Variants in FMNL2 observed in about 807,000 individuals in gnomAD.
The protein encoded by FMNL2 is formin like 2, also known as formin-like protein 2.
A neutral mutation model predicts 130.2 loss-of-function variants in FMNL2; 51 were observed. That is an observed-to-expected ratio of 0.39 (90% confidence interval 0.31 to 0.49). The LOEUF is 0.49. FMNL2 is among the 20% of genes least tolerant of loss of function. The probability of loss-of-function intolerance (pLI) is 0.85; values close to 1 mark genes in which losing one functional copy is unlikely to be tolerated. For missense variants in FMNL2, 977 were observed against 1,316.2 expected (o/e 0.74, Z 3.99); for synonymous variants, 465 against 467.1 (o/e 1.00, Z 0.06).
intron 1 of FMNL2, among the ~76,000 whole-genome samples, chr2:152,337,572 G>A (rs1431554697): frequency 6.6e-6 from 1 of 151,888 alleles, no homozygotes; most frequent in African/African-American, 2.4e-5. Context: ...AATAACACAT[G>A]GTGTGAATTA....
At chr2:152,543,448 G>A (rs1179101273) in intron 3 of FMNL2, among the ~76,000 whole-genome samples, 3 of 152,180 alleles carry the variant, frequency 2.0e-5, no homozygotes, top group Admixed American at 6.5e-5. Flanking sequence ...TCAGTCCTGG[G>A]ATGTCTCAGG....
Position 152,619,111 on chromosome 2 carries a change from C to G in FMNL2, c.1580C>G (p.Pro527Arg), listed in dbSNP as rs1222800548. ...GGGGCCGCTTCCTCAGGACCCTTGC[C>G]CCCTCCTCCACCACCACTGCCTCCC... ...TMGAASSGPL[P>R]PPPPPLPPSS... The change falls in exon 14 of 26, where the codon CCC becomes CGC. Residue 527 changes from proline to arginine, a missense_variant. Transcript: ENST00000288670. The G allele has an allele frequency of 6.2e-7, 1 of 1,601,902 alleles. No homozygotes were observed. The highest frequency in any genetic ancestry group is 8.5e-7 in the Non-Finnish European group (1 of 1,172,760).
At position 152,607,865 on chromosome 2, in the gene FMNL2, A is replaced by G. The variant is rs560096846; in HGVS notation, c.951+452A>G. On this transcript the variant is annotated intron_variant, in intron 10 of 25. Transcript: ENST00000288670. ...AGAGTTGACTGTATGTATCTCCAAAATGAATATGCAGCAGTGATTTTTTTT... is the reference window on the plus strand; with the variant it reads ...AGAGTTGACTGTATGTATCTCCAAAGTGAATATGCAGCAGTGATTTTTTTT... 3.1e-4 allele frequency among the ~76,000 whole-genome samples: 47 copies of G among 152,148 alleles called. 1 individual carries two copies. Among genetic ancestry groups the G allele is most frequent in the African/African-American group, 1.1e-3 (44 of 41,462 alleles).
At chr2:152,492,083 A>C (rs1691244228) in intron 1 of FMNL2, among the ~76,000 whole-genome samples, 3 of 152,246 alleles carry the variant, frequency 2.0e-5, no homozygotes, top group African/African-American at 7.2e-5. Flanking sequence ...TGGCATGAAC[A>C]CAGCATTGTT....
At chr2:152,459,656 A>G (rs1209941065) in intron 1 of FMNL2, among the ~76,000 whole-genome samples, 1 of 152,200 alleles carries the variant, frequency 6.6e-6, no homozygotes, top group Non-Finnish European at 1.5e-5. Flanking sequence ...CAGAGTTCCT[A>G]TTATAATAGG....
At chr2:152,443,096 C>T (rs2106137933) in intron 1 of FMNL2, among the ~76,000 whole-genome samples, 1 of 152,220 alleles carries the variant, frequency 6.6e-6, no homozygotes, top group East Asian at 1.9e-4. Flanking sequence ...GTGAGTCTGT[C>T]CAGAGATACT....
chr2:152,423,353 A>G (rs896772969), intron 1 of FMNL2, among the ~76,000 whole-genome samples: 33 of 152,354 alleles, frequency 2.2e-4, no homozygotes, highest in Non-Finnish European at 3.2e-4. Flanking sequence ...AAACAGAAGC[A>G]TAGAAAAGGT....
intron 9 of FMNL2, among the ~76,000 whole-genome samples, chr2:152,586,432 G>A (rs1028870405): frequency 2.6e-5 from 4 of 152,196 alleles, no homozygotes; most frequent in African/African-American, 9.7e-5. Flanking sequence ...GGACCAAATT[G>A]GGCAGGAAGG....
rs146152561 is a variant in FMNL2, at chr2:152,617,228, G to A, written c.1314+36G>A. 1,141 of 1,575,704 alleles carry A rather than the reference G, an allele frequency of 7.2e-4. 10 individuals are homozygous for A. The African/African-American group carries it at 0.014, about 19-fold the overall frequency. On this transcript the variant is annotated intron_variant, in intron 13 of 25. Coordinates refer to ENST00000288670, the MANE Select transcript of FMNL2 (RefSeq NM_052905.4). ...TGATGACAACTGCCCAGATGGGCACGGTAGGGAATGTACTCCAGCTTTCGT... is the reference window on the plus strand; with the variant it reads ...TGATGACAACTGCCCAGATGGGCACAGTAGGGAATGTACTCCAGCTTTCGT...
intron 6 of FMNL2, among the ~76,000 whole-genome samples, chr2:152,564,415 G>T (rs79280577): frequency 6.6e-6 from 1 of 151,908 alleles, no homozygotes; most frequent in South Asian, 2.1e-4. Flanking sequence ...CATGATTAAA[G>T]AAAAAAATGA....
intron 1 of FMNL2, among the ~76,000 whole-genome samples, chr2:152,512,914 A>G (rs1052998113): frequency 4.6e-5 from 7 of 152,216 alleles, no homozygotes; most frequent in Non-Finnish European, 1.0e-4. Flanking sequence ...ACTACTTTAC[A>G]TGCGTTATCT....
chr2:152,533,546 CTTTTT>C (rs35382323), intron 2 of FMNL2, among the ~76,000 whole-genome samples: 153 of 115,322 alleles, frequency 1.3e-3, no homozygotes, highest in African/African-American at 4.7e-3. Context: ...AATTCTCCAA[CTTTTT>C]TTTTTTTTTT....
chr2:152,610,699 T>C (rs953865181), intron 10 of FMNL2, among the ~76,000 whole-genome samples: 7 of 152,270 alleles, frequency 4.6e-5, no homozygotes, highest in Admixed American at 4.6e-4. Context: ...TTAATGGACA[T>C]TGGCTTCTTT....
Position 152,423,484 on chromosome 2 carries a change from A to G in FMNL2, c.117+87764A>G, listed in dbSNP as rs1390772977. The stretch of plus-strand genomic sequence containing the variant: ...AGAATGGGGGAAGCAGTAGCTAACT[A>G]GATGGATGGAAGGCATCAGGAAGAG... On this transcript the variant is annotated intron_variant, in intron 1 of 25. Coordinates refer to ENST00000288670, the MANE Select transcript of FMNL2 (RefSeq NM_052905.4). 3.3e-5 allele frequency among the ~76,000 whole-genome samples: 5 copies of G among 152,188 alleles called. No individual in the cohort carries two copies. The East Asian group carries it at 9.6e-4, about 29-fold the overall frequency.
rs149316753 is a variant in FMNL2, at chr2:152,575,264, T to C, written c.705+20T>C. The C allele has an allele frequency of 6.6e-7, 1 of 1,511,866 alleles. No individual in the cohort carries two copies. Among genetic ancestry groups the C allele is most frequent in the Middle Eastern group, 1.7e-4 (1 of 5,868 alleles). The allele number at this position is 1,511,866 out of a possible 1,614,324, so 93.7% of individuals were successfully genotyped here. Reference sequence around the variant, plus strand: ...TATCAGGTATGTTGGAGCTTCTGGTTCTTTTAAAAAAAACCTGAATTAATC... The same window carrying C: ...TATCAGGTATGTTGGAGCTTCTGGTCCTTTTAAAAAAAACCTGAATTAATC... On this transcript the variant is annotated intron_variant, in intron 7 of 25. Transcript: ENST00000288670.
intron 1 of FMNL2, among the ~76,000 whole-genome samples, chr2:152,347,466 A>G (rs973896872): frequency 6.6e-6 from 1 of 152,200 alleles, no homozygotes; most frequent in South Asian, 2.1e-4. Context: ...TTGTGTGTAT[A>G]GTATCCCTGC....
intron 1 of FMNL2, among the ~76,000 whole-genome samples, chr2:152,382,232 G>A (rs557754642): frequency 7.0e-4 from 106 of 152,166 alleles, no homozygotes; most frequent in Non-Finnish European, 1.2e-3. Flanking sequence ...CAACTCACTC[G>A]TAGATTGTGC....
chr2:152,551,204 A>T (rs1482641984), intron 4 of FMNL2, among the ~76,000 whole-genome samples: 1 of 152,182 alleles, frequency 6.6e-6, no homozygotes, highest in African/African-American at 2.4e-5. Flanking sequence ...TTGACCATCA[A>T]ATACAAAAGG....
intron 9 of FMNL2, among the ~76,000 whole-genome samples, chr2:152,595,872 T>A (rs1338465753): frequency 6.6e-6 from 1 of 151,886 alleles, no homozygotes; most frequent in Non-Finnish European, 1.5e-5. Context: ...CCAGAGATAA[T>A]CAGAGAACAG....
Sources: allele counts gnomAD v4.1 joint callset (sites outside exome capture counted in the v4.1 genomes callset), GRCh38; gene constraint gnomAD v4.1.1; transcripts MANE v1.5; gene names NCBI Gene and HGNC (gene_info 2026-07-23, HGNC 2026-07-21).